RAI1: variants seen among roughly 807,000 people sequenced by gnomAD.
RAI1 encodes the protein retinoic acid-induced protein 1.
RAI1 carries 9 observed loss-of-function variants against 123.8 expected under a neutral mutation model. The ratio of observed to expected loss-of-function variants is 0.07; its 90% CI spans 0.04 to 0.13. The LOEUF (loss-of-function observed/expected upper bound fraction) is 0.13. RAI1 is among the 10% of genes least tolerant of loss of function. The pLI, the probability that RAI1 is intolerant of heterozygous loss-of-function variation, is 1.00. For missense variants in RAI1, 2,256 were observed against 2,545.8 expected (o/e 0.89, Z 2.45); for synonymous variants, 1,231 against 1,127.3 (o/e 1.09, Z -1.84).
chr17:17,716,574 T>C (rs776756325), intron 1 of RAI1, among the ~76,000 whole-genome samples: 1 of 151,924 alleles, frequency 6.6e-6, no homozygotes, highest in Non-Finnish European at 1.5e-5. Flanking sequence ...GTGTATGTGG[T>C]TTTGTGTCTT....
At chr17:17,760,030 G>T (rs983796026) in intron 2 of RAI1, among the ~76,000 whole-genome samples, 3 of 152,172 alleles carry the variant, frequency 2.0e-5, no homozygotes, top group Non-Finnish European at 2.9e-5. Flanking sequence ...ATGCATAACT[G>T]TCCATTCACT....
intron 2 of RAI1, among the ~76,000 whole-genome samples, chr17:17,768,046 TATA>T (rs1420038982): frequency 2.0e-5 from 3 of 152,206 alleles, no homozygotes; most frequent in Admixed American, 6.5e-5. Flanking sequence ...ACTCTTAGCA[TATA>T]ATAAGTGCTC....
chr17:17,758,929 G>A (rs2030567250), intron 2 of RAI1, among the ~76,000 whole-genome samples: 2 of 152,198 alleles, frequency 1.3e-5, no homozygotes, highest in Non-Finnish European at 2.9e-5. Context: ...AGGGGGGCTG[G>A]TAGAGGGAGC....
intron 1 of RAI1, among the ~76,000 whole-genome samples, chr17:17,722,710 C>A (rs1567848718): frequency 6.6e-6 from 1 of 152,212 alleles, no homozygotes; most frequent in South Asian, 2.1e-4. Flanking sequence ...GTAGGCGTCT[C>A]CCCCAGCTGG....
At chr17:17,684,184 T>C (rs573386839) in intron 1 of RAI1, 5 of 152,328 alleles carry the variant, frequency 3.3e-5, no homozygotes, top group African/African-American at 7.2e-5. Context: ...TACTCCTCTT[T>C]AGACTCCCAA....
rs955095973 is a variant in RAI1 at position 17,810,890 on chromosome 17, A to G, written c.*909A>G. The G allele has an allele frequency of 1.6e-5, 7 of 429,770 alleles. No individual in the cohort carries two copies. The highest frequency in any genetic ancestry group is 4.1e-5 in the African/African-American group (2 of 49,316). 26.6% of individuals were successfully genotyped at this position (429,770 alleles called of 1,614,324 possible). A position where few individuals can be genotyped will look rare whatever the true frequency, so the allele number is the denominator to read the frequency against. On this transcript the variant is annotated 3_prime_UTR_variant, in exon 6 of 6. Transcript: ENST00000353383. This position sits in a 1 kb window ranked among gnomAD's most constrained non-coding sequence, Gnocchi z 4.6. ...GCAGGGACAGCGCTAGATTTCGTGT[A>G]CAAAACCTGTGTACCCCTCTATATA...
chr17:17,740,176 C>T (rs549243042), intron 2 of RAI1, among the ~76,000 whole-genome samples: 2 of 152,288 alleles, frequency 1.3e-5, no homozygotes, highest in East Asian at 3.9e-4. Context: ...TTGGGAGACC[C>T]TTGGGCTTCT....
rs139772705 is a variant in RAI1 at position 17,722,990 on chromosome 17, A to G, written c.-148-1038A>G. 4.7e-4 allele frequency among the ~76,000 whole-genome samples: 71 copies of G among 152,048 alleles called. 3 individuals carry two copies. In the East Asian group the frequency reaches 0.013, roughly 27 times the overall value. ...CCGCCAGGCCTCAGACCCCACGCAG[A>G]TCCAGCCACACACGCAACCGCCTGC... On this transcript the variant is annotated intron_variant, in intron 1 of 5. Coordinates refer to ENST00000353383, the MANE Select transcript of RAI1 (RefSeq NM_030665.4).
intron 1 of RAI1, among the ~76,000 whole-genome samples, chr17:17,706,335 G>A (rs965503552): frequency 1.4e-4 from 22 of 152,194 alleles, no homozygotes; most frequent in Non-Finnish European, 2.6e-4. Context: ...AAGCTGGAGG[G>A]GGACTTTGGT....
intron 1 of RAI1, among the ~76,000 whole-genome samples, chr17:17,711,633 G>A (rs8065154): frequency 0.39 from 59,581 of 152,038 alleles, 12,295 homozygotes; most frequent in Middle Eastern, 0.51. Context: ...AAACCTTAGA[G>A]GACCTAGGAT....
At chr17:17,791,729 G>A (rs1434989903) in intron 2 of RAI1, among the ~76,000 whole-genome samples, 1 of 152,152 alleles carries the variant, frequency 6.6e-6, no homozygotes, top group African/African-American at 2.4e-5. Context: ...CAAAACCTGG[G>A]GCATTCCTCT....
At chr17:17,735,353 C>A (rs9916677) in intron 2 of RAI1, among the ~76,000 whole-genome samples, 2,917 of 132,438 alleles carry the variant, frequency 0.022, 87 homozygotes, top group African/African-American at 0.076. Flanking sequence ...AATGCCCAGC[C>A]TTTTTTTTTT....
Position 17,746,333 on chromosome 17 carries a change from T to C in RAI1, c.-17+22174T>C, listed in dbSNP as rs76528058. 6.3e-3 allele frequency among the ~76,000 whole-genome samples: 954 copies of C among 152,340 alleles called. 10 individuals carry two copies. Among genetic ancestry groups the C allele is most frequent in the Middle Eastern group, 0.02 (6 of 294 alleles). On this transcript the variant is annotated intron_variant, in intron 2 of 5. Coordinates refer to ENST00000353383, the MANE Select transcript of RAI1 (RefSeq NM_030665.4). The stretch of plus-strand genomic sequence containing the variant: ...AGCCCATCTGGGAGCCAACGTTATT[T>C]TCCTGATTGAAGGAAACATCTGTTC...
rs556945333 is a variant in RAI1, at chr17:17,734,855, G to A, written c.-17+10696G>A. 9.1e-4 allele frequency among the ~76,000 whole-genome samples: 139 copies of A among 152,262 alleles called. 1 individual carries two copies. Among genetic ancestry groups the A allele is most frequent in the Non-Finnish European group, 1.6e-3 (106 of 68,002 alleles). On this transcript the variant is annotated intron_variant, in intron 2 of 5. Transcript: ENST00000353383. ...TGACACCAGCTCGCGACACCAGCTC[G>A]CCCTCCACAAAGCTATTTCCAGGCC...
chr17:17,733,120 C>T (rs1020826950), intron 2 of RAI1, among the ~76,000 whole-genome samples: 7 of 152,196 alleles, frequency 4.6e-5, no homozygotes, highest in African/African-American at 1.4e-4. Flanking sequence ...CACTCATGTG[C>T]CAGCTGGGCC....
At chr17:17,750,392 G>C (rs962170470) in intron 2 of RAI1, among the ~76,000 whole-genome samples, 3 of 152,144 alleles carry the variant, frequency 2.0e-5, no homozygotes, top group African/African-American at 7.2e-5. Context: ...GAGCAGGCAG[G>C]GGCTCAAATG....
At chr17:17,747,573 G>A (rs1013448100) in intron 2 of RAI1, among the ~76,000 whole-genome samples, 3 of 152,132 alleles carry the variant, frequency 2.0e-5, no homozygotes, top group East Asian at 3.9e-4. Flanking sequence ...ACACGAGGCC[G>A]GCCACACTCT....
chr17:17,803,134 C>A (rs1262900027), intron 3 of RAI1, among the ~76,000 whole-genome samples: 2 of 151,124 alleles, frequency 1.3e-5, no homozygotes, highest in Non-Finnish European at 2.9e-5. Flanking sequence ...AGGACACACA[C>A]CACGCCCAGC....
intron 2 of RAI1, chr17:17,779,264 A>G: frequency 3.2e-6 from 1 of 311,870 alleles, no homozygotes; most frequent in Non-Finnish European, 6.2e-6. Context: ...GCTTCTGGTC[A>G]GCAGACTGCG....
Sources: gnomAD v4.1 joint callset for allele counts (sites outside exome capture counted in the v4.1 genomes callset) on GRCh38, gnomAD v4.1.1 for gene constraint, Gnocchi (gnomAD v3.1) non-coding constraint, MANE v1.5 for transcripts, NCBI Gene and HGNC (gene_info 2026-07-23, HGNC 2026-07-21) for gene names.